Variants in EGFLAM observed in about 807,000 individuals in gnomAD.
EGFLAM encodes the protein EGF like, fibronectin type III and laminin G domains.
In EGFLAM, 79 loss-of-function variants were observed where a neutral mutation model predicts 113.1. That is an observed-to-expected ratio of 0.70 (90% confidence interval 0.58 to 0.84). The LOEUF (loss-of-function observed/expected upper bound fraction) is 0.84, where lower values mean the gene tolerates loss of function less well. Ranked by LOEUF, EGFLAM falls within the 40% of genes least tolerant of loss-of-function variation. The pLI, the probability that EGFLAM is intolerant of heterozygous loss-of-function variation, is 0.00. For missense variants in EGFLAM, 1,265 were observed against 1,291.6 expected, an observed-to-expected ratio of 0.98 and a Z score of 0.32; for synonymous variants, 504 against 487.6, an observed-to-expected ratio of 1.03 and a Z score of -0.44.
At position 38,462,980 on chromosome 5, in the gene EGFLAM, G is replaced by A; in HGVS notation, c.2844G>A (p.Arg948=). ...ARTGKSPGMM[R]QLNINGALYV... Reference sequence around the variant, plus strand: ...CAGGCAAATCCCCAGGCATGATGCGGCAGCTTAACATCAATGGAGCTCTGT... The same window carrying A: ...CAGGCAAATCCCCAGGCATGATGCGACAGCTTAACATCAATGGAGCTCTGT... Residue 948 remains arginine, a synonymous_variant, in exon 21 of 22, where the codon CGG becomes CGA. Coordinates refer to ENST00000322350, the MANE Select transcript of EGFLAM (RefSeq NM_152403.4). The A allele has an allele frequency of 6.2e-7, 1 of 1,614,124 alleles. No homozygotes were observed. Among genetic ancestry groups the A allele is most frequent in the Non-Finnish European group, 8.5e-7 (1 of 1,179,994 alleles).
intron 1 of EGFLAM, chr5:38,282,344 T>G (rs1356164416): frequency 1.3e-5 from 2 of 152,300 alleles, no homozygotes; most frequent in East Asian, 3.9e-4. Context: ...TCAATGAAGG[T>G]TTCTTATCAA....
intron 6 of EGFLAM, among the ~76,000 whole-genome samples, chr5:38,389,633 G>A (rs1252513264): frequency 2.0e-5 from 3 of 152,012 alleles, no homozygotes; most frequent in Non-Finnish European, 4.4e-5. Context: ...TATTCTCAAG[G>A]TTTTGTTATG....
At chr5:38,459,676 C>T (rs1400709353) in intron 20 of EGFLAM, among the ~76,000 whole-genome samples, 1 of 152,078 alleles carries the variant, frequency 6.6e-6, no homozygotes, top group Admixed American at 6.5e-5. Context: ...GGAAACATGG[C>T]GCCCACCATG....
chr5:38,342,221 G>A (rs1739356260), intron 3 of EGFLAM, among the ~76,000 whole-genome samples: 2 of 152,216 alleles, frequency 1.3e-5, no homozygotes, highest in South Asian at 4.1e-4. Context: ...ACATGGCAGA[G>A]TAGGGTTAAG....
chr5:38,404,930 CG>C (rs982982825), intron 6 of EGFLAM, among the ~76,000 whole-genome samples: 25 of 152,242 alleles, frequency 1.6e-4, no homozygotes, highest in African/African-American at 5.1e-4. Flanking sequence ...GTGGATTCTG[CG>C]GATGACAGTT....
rs530440328 is a variant in EGFLAM, at chr5:38,420,032, A to G, written c.1684+1777A>G. Among the ~76,000 whole-genome samples, 10 of 151,922 alleles carry G rather than the reference A, an allele frequency of 6.6e-5. 1 individual carries two copies. In the East Asian group the frequency reaches 1.9e-3, roughly 29 times the overall value. ...ACAGAGTGAGACTGTCTTAAAAAAC[A>G]AAAAACAAAAAACAAAACAAAACAA... is the stretch of plus-strand genomic sequence containing the variant. On this transcript the variant is annotated intron_variant, in intron 12 of 21. Coordinates refer to ENST00000322350, the MANE Select transcript of EGFLAM (RefSeq NM_152403.4).
intron 6 of EGFLAM, chr5:38,399,743 G>A (rs1182646945): frequency 1.3e-5 from 2 of 152,182 alleles, no homozygotes; most frequent in Admixed American, 6.5e-5. Flanking sequence ...AACTTCAAGA[G>A]TAGGGAATAA....
At chr5:38,342,072 C>T (rs1044822331) in intron 3 of EGFLAM, among the ~76,000 whole-genome samples, 1 of 152,162 alleles carries the variant, frequency 6.6e-6, no homozygotes, top group Non-Finnish European at 1.5e-5. Context: ...TGTTGATTCT[C>T]CTGCATCTCC....
At chr5:38,338,219 CACCTGCTGGA>C (rs1221088094) in intron 2 of EGFLAM, among the ~76,000 whole-genome samples, 1 of 152,134 alleles carries the variant, frequency 6.6e-6, no homozygotes, top group African/African-American at 2.4e-5. Flanking sequence ...CATTCCTCTC[CACCTGCTGGA>C]ACTGAGCTGC....
At chr5:38,264,706 C>A (rs1757589562) in intron 1 of EGFLAM, among the ~76,000 whole-genome samples, 5 of 152,174 alleles carry the variant, frequency 3.3e-5, no homozygotes, top group African/African-American at 1.2e-4. Flanking sequence ...TATGTTCCTT[C>A]CTGTCCCCTT....
intron 1 of EGFLAM, among the ~76,000 whole-genome samples, chr5:38,265,489 G>A (rs1757610264): frequency 6.6e-6 from 1 of 152,186 alleles, no homozygotes; most frequent in South Asian, 2.1e-4. Context: ...ATGTCAAGCT[G>A]CACATCTTAG....
intron 14 of EGFLAM, among the ~76,000 whole-genome samples, chr5:38,430,332 A>G (rs1046060242): frequency 2.6e-5 from 4 of 152,080 alleles, no homozygotes; most frequent in Non-Finnish European, 5.9e-5. Flanking sequence ...TTTTATCTTC[A>G]TGCCACCTCT....
At chr5:38,337,440 T>C in intron 1 of EGFLAM, 80 bp from the exon 2 acceptor site, 1 of 1,246,696 alleles carries the variant, frequency 8.0e-7, no homozygotes, top group South Asian at 1.5e-5. Flanking sequence ...TGTTAGATAA[T>C]GCACTCTTAA....
intron 6 of EGFLAM, among the ~76,000 whole-genome samples, chr5:38,376,148 G>A (rs1740358795): frequency 6.6e-6 from 1 of 152,046 alleles, no homozygotes; most frequent in Non-Finnish European, 1.5e-5. Context: ...AGAACTGGGG[G>A]CTTTGTAAAA....
intron 1 of EGFLAM, among the ~76,000 whole-genome samples, chr5:38,295,070 A>T (rs965935532): frequency 2.0e-5 from 3 of 152,086 alleles, no homozygotes; most frequent in Admixed American, 2.0e-4. Flanking sequence ...CAGGTGATCT[A>T]CCCACCTTGG....
intron 1 of EGFLAM, among the ~76,000 whole-genome samples, chr5:38,265,005 C>T (rs1482949596): frequency 1.3e-5 from 2 of 152,220 alleles, no homozygotes; most frequent in Non-Finnish European, 2.9e-5. Context: ...TTGTTAGTCT[C>T]ACTCTTTCCA....
chr5:38,434,297 G>A (rs1742277463), intron 15 of EGFLAM, among the ~76,000 whole-genome samples: 1 of 152,170 alleles, frequency 6.6e-6, no homozygotes, highest in Non-Finnish European at 1.5e-5. Context: ...CCGGCACCCA[G>A]GTGCACCCAT....
chr5:38,417,930 T>C (rs935196998), intron 11 of EGFLAM, 136 bp from the exon 12 acceptor site: 9 of 897,626 alleles, frequency 1.0e-5, no homozygotes, highest in African/African-American at 1.7e-5. Flanking sequence ...GGCAAGGTCT[T>C]AAAGATAAAT....
At chr5:38,363,448 C>T (rs1183848015) in intron 5 of EGFLAM, among the ~76,000 whole-genome samples, 1 of 152,084 alleles carries the variant, frequency 6.6e-6, no homozygotes, top group Non-Finnish European at 1.5e-5. Flanking sequence ...GCATTTTCTT[C>T]AAAAATGAAT....
Sources: gnomAD v4.1 joint callset for allele counts (sites outside exome capture counted in the v4.1 genomes callset) on GRCh38, gnomAD v4.1.1 for gene constraint, MANE v1.5 for transcripts, NCBI Gene and HGNC (gene_info 2026-07-23, HGNC 2026-07-21) for gene names.